MYOM1: variants seen among roughly 807,000 people sequenced by gnomAD.
The protein encoded by MYOM1 is myomesin 1.
A neutral mutation model predicts 205.3 loss-of-function variants in MYOM1; 164 were observed. That is an observed-to-expected ratio of 0.80 (90% confidence interval 0.70 to 0.91). The LOEUF is 0.91. Among genes scored for constraint, MYOM1 ranks in the 40% least tolerant of loss-of-function variants. The pLI is 0.00. For missense variants in MYOM1, 2,011 were observed against 2,127.3 expected (o/e 0.95, Z 1.08); for synonymous variants, 772 against 789.4 (o/e 0.98, Z 0.37).
intron 5 of MYOM1, 114 bp downstream of exon 5, chr18:3,187,366 C>T (rs1411612908): frequency 8.4e-7 from 1 of 1,192,648 alleles, no homozygotes; most frequent in African/African-American, 1.5e-5. Flanking sequence ...AAAACCTATA[C>T]AATCTTGTAG....
intron 6 of MYOM1, among the ~76,000 whole-genome samples, chr18:3,174,894 C>T (rs12607513): frequency 0.33 from 50,183 of 152,026 alleles, 8,473 homozygotes; most frequent in African/African-American, 0.39. Flanking sequence ...AATACAGAAA[C>T]TGGAATTCTT....
At chr18:3,134,506 G>T in intron 16 of MYOM1, 144 bp downstream of exon 16, 1 of 844,604 alleles carries the variant, frequency 1.2e-6, no homozygotes, top group Non-Finnish European at 1.7e-6. Context: ...CTCCGAAAGT[G>T]CTAGGATTAC....
At chr18:3,143,452 A>T (rs2080080958) in intron 13 of MYOM1, among the ~76,000 whole-genome samples, 1 of 152,226 alleles carries the variant, frequency 6.6e-6, no homozygotes, top group Non-Finnish European at 1.5e-5. Context: ...AATGATAAAA[A>T]TGTGAGTCAA....
Position 3,116,424 on chromosome 18 carries a change from G to T in MYOM1, c.3210C>A (p.Val1070=). 2 of 1,613,814 alleles carry T rather than the reference G, an allele frequency of 1.2e-6. No individual in the cohort carries two copies. Among genetic ancestry groups the T allele is most frequent in the South Asian group, 2.2e-5 (2 of 91,030 alleles). Residue 1070 remains valine (V), a synonymous_variant, in exon 21 of 38, where the codon GTC becomes GTA. Transcript: ENST00000356443. ...CCTTCAAGTCCACGAAGTAACCAGTGACCGGAGTCCGCCCGGAGTGGACTG... is the reference window on the plus strand; with the variant it reads ...CCTTCAAGTCCACGAAGTAACCAGTTACCGGAGTCCGCCCGGAGTGGACTG... ...KPPVHSGRTP[V]TGYFVDLKEA... is the part of the protein sequence containing the mutation.
Position 3,083,992 on chromosome 18 carries a change from T to C in MYOM1, c.4375A>G (p.Ile1459Val), listed in dbSNP as rs1473212513. The C allele has an allele frequency of 1.3e-6, 2 of 1,588,078 alleles. No homozygotes were observed. Among genetic ancestry groups the C allele is most frequent in the African/African-American group, 1.3e-5 (1 of 74,750 alleles). The change falls in exon 32 of 38, where the codon ATA (isoleucine) becomes GTA (valine). Residue 1459 changes from isoleucine to valine, a missense_variant. Coordinates refer to ENST00000356443, the MANE Select transcript of MYOM1 (RefSeq NM_003803.4). The part of the protein sequence containing the change: ...KELMMEVCKK[I>V]ALSATDLKIQ... ...TGGTGCGAAATGTTTGACTCACCTA[T>C]TTTTTTGCATACTTCCATCATCAGT...
chr18:3,196,856 A>AT, intron 2 of MYOM1, among the ~76,000 whole-genome samples: 1 of 152,368 alleles, frequency 6.6e-6, no homozygotes, highest in South Asian at 2.1e-4. Flanking sequence ...CCTGCATTTA[A>AT]TTCAAATACT....
chr18:3,104,244 T>C (rs539696080), intron 22 of MYOM1, among the ~76,000 whole-genome samples: 2 of 152,354 alleles, frequency 1.3e-5, no homozygotes, highest in South Asian at 2.1e-4. Context: ...TATTATAATA[T>C]ACAGTTTGTG....
In MYOM1 at chr18:3,210,729, C is replaced by T. The variant is rs142556925; in HGVS notation, c.290+4205G>A. ...ACATATTGATGCTTCAAGGAAAACC[C>T]GGTGGTGTATGATCAAGGGGAGTTG... On this transcript the variant is annotated intron_variant, in intron 2 of 37. Coordinates refer to ENST00000356443, the MANE Select transcript of MYOM1 (RefSeq NM_003803.4). 4.2e-3 allele frequency among the ~76,000 whole-genome samples: 641 copies of T among 152,190 alleles called. 3 individuals are homozygous for T. Among genetic ancestry groups the T allele is most frequent in the South Asian group, 0.012 (60 of 4,818 alleles).
chr18:3,227,158 T>C, the MYOM1 span, among the ~76,000 whole-genome samples: 1 of 152,214 alleles, frequency 6.6e-6, no homozygotes, highest in Admixed American at 6.5e-5. Flanking sequence ...TTCCAAATGA[T>C]GAGATGCTTT....
chr18:3,129,665 G>T, intron 17 of MYOM1, 146 bp from the exon 18 acceptor site: 1 of 739,840 alleles, frequency 1.4e-6, no homozygotes, highest in Non-Finnish European at 2.1e-6. Flanking sequence ...ACATTTGCAA[G>T]AAATATGGAA....
chr18:3,097,392 T>C (rs552894558), intron 25 of MYOM1, among the ~76,000 whole-genome samples: 7 of 152,298 alleles, frequency 4.6e-5, no homozygotes, highest in Non-Finnish European at 8.8e-5. Context: ...GGGGCTCTGA[T>C]ACTTGCATGT....
intron 12 of MYOM1, among the ~76,000 whole-genome samples, chr18:3,150,121 G>A (rs749549948): frequency 1.3e-5 from 2 of 152,016 alleles, no homozygotes; most frequent in African/African-American, 4.8e-5. Flanking sequence ...GTGCAGTGGC[G>A]CGATCTCAGC....
chr18:3,133,357 C>T (rs1045225736), intron 16 of MYOM1, among the ~76,000 whole-genome samples: 4 of 152,198 alleles, frequency 2.6e-5, no homozygotes, highest in African/African-American at 9.6e-5. Flanking sequence ...GGGAGGGCAG[C>T]ATCCCCCTCT....
At chr18:3,212,568 C>A (rs948115469) in intron 2 of MYOM1, among the ~76,000 whole-genome samples, 1 of 151,952 alleles carries the variant, frequency 6.6e-6, no homozygotes, top group African/African-American at 2.4e-5. Context: ...TTTAAAAATA[C>A]AAATTCATAA....
the MYOM1 span, chr18:3,247,374 A>G: frequency 6.6e-6 from 1 of 152,262 alleles, no homozygotes; most frequent in African/African-American, 2.4e-5. Context: ...GCGCAGGCGC[A>G]CTACCGCCCA....
At chr18:3,246,400 G>A in the MYOM1 span, 1 of 152,208 alleles carries the variant, frequency 6.6e-6, no homozygotes, top group Non-Finnish European at 1.5e-5. Context: ...CTCCGATTTA[G>A]TAGGTTGGAA....
At chr18:3,214,618 G>C (rs1382375541) in intron 2 of MYOM1, among the ~76,000 whole-genome samples, 3 of 152,102 alleles carry the variant, frequency 2.0e-5, no homozygotes, top group Non-Finnish European at 4.4e-5. Flanking sequence ...GAGGTCAGGG[G>C]CTCAAAACCA....
At chr18:3,211,400 G>A (rs2081189676) in intron 2 of MYOM1, among the ~76,000 whole-genome samples, 1 of 152,124 alleles carries the variant, frequency 6.6e-6, no homozygotes. Flanking sequence ...AAAATCCGAT[G>A]AAAACTACAG....
intron 22 of MYOM1, among the ~76,000 whole-genome samples, chr18:3,105,727 T>A (rs2143776133): frequency 6.6e-6 from 1 of 152,280 alleles, no homozygotes; most frequent in Middle Eastern, 3.4e-3. Flanking sequence ...TGGTGGCGCA[T>A]GTCTGTAATC....
Sources: allele counts gnomAD v4.1 joint callset (sites outside exome capture counted in the v4.1 genomes callset), GRCh38; gene constraint gnomAD v4.1.1; transcripts MANE v1.5; gene names NCBI Gene and HGNC (gene_info 2026-07-23, HGNC 2026-07-21).